Variants in SND1 observed in about 807,000 individuals in gnomAD.
The protein encoded by SND1 is staphylococcal nuclease and tudor domain containing 1.
SND1 carries 38 observed loss-of-function variants against 121.7 expected under a neutral mutation model. The ratio of observed to expected loss-of-function variants is 0.31; its 90% confidence interval spans 0.24 to 0.41. The LOEUF (loss-of-function observed/expected upper bound fraction) is 0.41, where lower values mean the gene tolerates loss of function less well. Among genes scored for constraint, SND1 ranks in the 10% least tolerant of loss-of-function variants. The pLI, the probability that SND1 is intolerant of heterozygous loss-of-function variation, is 1.00. For missense variants in SND1, 868 were observed against 1,184.6 expected (o/e 0.73, Z 3.92); for synonymous variants, 401 against 447.4 (o/e 0.90, Z 1.31).
intron 2 of SND1, chr7:127,687,185 G>C (rs1160066589): frequency 2.0e-5 from 3 of 153,316 alleles, no homozygotes; most frequent in African/African-American, 7.2e-5. Flanking sequence ...TACTTCCCCT[G>C]AGACACCTGA....
chr7:128,041,791 C>A (rs1247082862), intron 16 of SND1, among the ~76,000 whole-genome samples: 1 of 152,188 alleles, frequency 6.6e-6, no homozygotes, highest in African/African-American at 2.4e-5. Flanking sequence ...GTAACATGAC[C>A]ACCTTGAAAC....
At chr7:127,932,332 A>C (rs755992225) in intron 15 of SND1, among the ~76,000 whole-genome samples, 15 of 152,246 alleles carry the variant, frequency 9.9e-5, no homozygotes, top group Non-Finnish European at 1.2e-4. Flanking sequence ...ATAGCAAAAG[A>C]ACTAGAATTA....
intron 16 of SND1, chr7:127,998,472 C>T (rs1232368075): frequency 6.4e-6 from 1 of 155,716 alleles, no homozygotes; most frequent in Non-Finnish European, 1.4e-5. Context: ...TGAACATAGT[C>T]TGCAAATCTC....
chr7:127,672,381 A>G (rs1587584303), intron 1 of SND1, among the ~76,000 whole-genome samples: 1 of 152,054 alleles, frequency 6.6e-6, no homozygotes, highest in East Asian at 1.9e-4. Flanking sequence ...GGCAGGAGGC[A>G]GGCAGATTAC....
chr7:127,808,985 C>T (rs1002886034), intron 11 of SND1, among the ~76,000 whole-genome samples: 1 of 152,182 alleles, frequency 6.6e-6, no homozygotes, highest in African/African-American at 2.4e-5. Context: ...AGTTGTGTGG[C>T]GTGTATTATG....
chr7:127,872,652 A>G (rs1049214962), intron 12 of SND1, among the ~76,000 whole-genome samples: 1 of 151,624 alleles, frequency 6.6e-6, no homozygotes, highest in African/African-American at 2.4e-5. Context: ...ACACACACAC[A>G]CACACACACA....
intron 10 of SND1, among the ~76,000 whole-genome samples, chr7:127,758,241 T>C (rs1797234691): frequency 1.3e-5 from 2 of 152,246 alleles, no homozygotes; most frequent in South Asian, 4.1e-4. Flanking sequence ...TATCCACATT[T>C]GACAAACAAG....
intron 11 of SND1, among the ~76,000 whole-genome samples, chr7:127,836,952 A>G (rs1296454920): frequency 6.6e-6 from 1 of 152,252 alleles, no homozygotes; most frequent in Non-Finnish European, 1.5e-5. Flanking sequence ...CCCTCAGTGT[A>G]TAAATTTATC....
At chr7:127,976,337 C>G (rs1230749172) in intron 15 of SND1, among the ~76,000 whole-genome samples, 2 of 152,274 alleles carry the variant, frequency 1.3e-5, no homozygotes, top group Admixed American at 6.5e-5. Context: ...GGAAGACAGG[C>G]ACAGCCTGAT....
intron 10 of SND1, among the ~76,000 whole-genome samples, chr7:127,745,121 T>TA (rs1331338998): frequency 6.6e-6 from 1 of 152,194 alleles, no homozygotes; most frequent in East Asian, 1.9e-4. Context: ...ACGATGGGGA[T>TA]ACGTTCTTGA....
At chr7:127,980,999 G>A (rs1413072090) in intron 15 of SND1, among the ~76,000 whole-genome samples, 1 of 152,192 alleles carries the variant, frequency 6.6e-6, no homozygotes, top group African/African-American at 2.4e-5. Context: ...TAAAGATAAA[G>A]TCCTATTGCT....
intron 12 of SND1, chr7:127,858,321 CT>C: frequency 8.4e-7 from 1 of 1,195,114 alleles, no homozygotes. Flanking sequence ...TTGCTGCTCC[CT>C]TTGCCTCCTC....
chr7:127,914,660 C>T (rs1326209470), intron 14 of SND1, among the ~76,000 whole-genome samples: 1 of 152,160 alleles, frequency 6.6e-6, no homozygotes, highest in Non-Finnish European at 1.5e-5. Flanking sequence ...AGTGCCCCAT[C>T]CTCCAAGGTA....
At chr7:127,736,904 C>G (rs1796785900) in intron 10 of SND1, among the ~76,000 whole-genome samples, 1 of 152,178 alleles carries the variant, frequency 6.6e-6, no homozygotes, top group African/African-American at 2.4e-5. Context: ...CCCGTGGCAG[C>G]TTCATGCATG....
intron 10 of SND1, among the ~76,000 whole-genome samples, chr7:127,732,672 T>G (rs1796701059): frequency 6.6e-6 from 1 of 152,254 alleles, no homozygotes; most frequent in Non-Finnish European, 1.5e-5. Flanking sequence ...TTTAAGCTGC[T>G]TATTAAATAC....
chr7:127,858,145 G>T (rs1446595405), intron 12 of SND1: 1 of 835,882 alleles, frequency 1.2e-6, no homozygotes, highest in African/African-American at 1.7e-5. Flanking sequence ...GTGTGGGGGT[G>T]TGGGATTGTG....
At chr7:127,851,449 A>G (rs751867009) in intron 12 of SND1, among the ~76,000 whole-genome samples, 6 of 152,176 alleles carry the variant, frequency 3.9e-5, no homozygotes, top group Non-Finnish European at 7.3e-5. Context: ...TTCTATATTC[A>G]AGGAGATGTC....
Position 128,085,607 on chromosome 7 carries a change from C to T in SND1, c.2235-104C>T. On this transcript the variant is annotated intron_variant, in intron 19 of 23. Transcript: ENST00000354725. This position sits in a 1 kb window ranked among gnomAD's most constrained non-coding sequence, Gnocchi z 4.4. ...ACTGTCCCCTGTGACACCCGTTGAACCCAGGCAGGGAAATGCTGTGCCCCT... is the reference window on the plus strand; with the variant it reads ...ACTGTCCCCTGTGACACCCGTTGAATCCAGGCAGGGAAATGCTGTGCCCCT... The T allele has an allele frequency of 9.9e-7, 1 of 1,007,078 alleles. No individual in the cohort carries two copies. Among genetic ancestry groups the T allele is most frequent in the South Asian group, 1.4e-5 (1 of 73,826 alleles). 62.4% of individuals were successfully genotyped at this position (1,007,078 alleles called of 1,614,324 possible). A position where few individuals can be genotyped will look rare whatever the true frequency, so the allele number is the denominator to read the frequency against.
At chr7:127,711,560 C>T (rs1459179052) in intron 9 of SND1, among the ~76,000 whole-genome samples, 1 of 152,100 alleles carries the variant, frequency 6.6e-6, no homozygotes, top group African/African-American at 2.4e-5. Context: ...AGTGTTCCAA[C>T]ATTTCATAGC....
Sources: allele counts gnomAD v4.1 joint callset (sites outside exome capture counted in the v4.1 genomes callset), GRCh38; gene constraint gnomAD v4.1.1; non-coding constraint Gnocchi (gnomAD v3.1); transcripts MANE v1.5; gene names NCBI Gene and HGNC (gene_info 2026-07-23, HGNC 2026-07-21).